The following MCTP1 variants were observed in gnomAD, a reference collection of about 807,000 sequenced individuals.
MCTP1 encodes multiple C2 and transmembrane domain containing 1.
In MCTP1, 69 loss-of-function variants were observed where a neutral mutation model predicts 120.6. That is an observed-to-expected ratio of 0.57 (90% CI 0.47 to 0.70). The LOEUF (loss-of-function observed/expected upper bound fraction) is 0.70. Among genes scored for constraint, MCTP1 ranks in the 30% least tolerant of loss-of-function variants. The pLI, the probability that MCTP1 is intolerant of heterozygous loss-of-function variation, is 0.00. For missense variants in MCTP1, 1,203 were observed against 1,248.8 expected, an observed-to-expected ratio of 0.96 and a Z score of 0.55; for synonymous variants, 529 against 493.1, an observed-to-expected ratio of 1.07 and a Z score of -0.96.
intron 21 of MCTP1, 37 bp from the exon 22 acceptor site, chr5:94,708,646 G>T: frequency 7.6e-7 from 1 of 1,314,460 alleles, no homozygotes; most frequent in South Asian, 1.2e-5. Flanking sequence ...GCACATTTCT[G>T]ACAAAAGTGT....
intron 1 of MCTP1, among the ~76,000 whole-genome samples, chr5:95,280,876 T>TTTTCTTTGC (rs2152745593): frequency 6.6e-6 from 1 of 152,334 alleles, no homozygotes; most frequent in Admixed American, 6.5e-5. Context: ...AACTGATTTT[T>TTTTCTTTGC]TTTTCTTTGC....
chr5:94,763,921 A>T (rs1771935677), intron 19 of MCTP1, among the ~76,000 whole-genome samples: 1 of 152,242 alleles, frequency 6.6e-6, no homozygotes, highest in Non-Finnish European at 1.5e-5. Flanking sequence ...GATATGAAAT[A>T]AGATGCTGTA....
intron 21 of MCTP1, chr5:94,710,140 C>G (rs1376414829): frequency 6.6e-6 from 1 of 151,898 alleles, no homozygotes; most frequent in Non-Finnish European, 1.5e-5. Flanking sequence ...AAATTGTTTT[C>G]CAAACCAAGA....
intron 1 of MCTP1, among the ~76,000 whole-genome samples, chr5:95,144,982 C>T (rs1304855593): frequency 6.6e-6 from 1 of 152,024 alleles, no homozygotes; most frequent in East Asian, 1.9e-4. Context: ...CTGTAAATTG[C>T]TTTGGGAAAT....
At chr5:95,153,292 A>ATGATTG (rs112772312) in intron 1 of MCTP1, among the ~76,000 whole-genome samples, 4 of 152,238 alleles carry the variant, frequency 2.6e-5, no homozygotes, top group African/African-American at 7.2e-5. Flanking sequence ...GCCCTCCTCC[A>ATGATTG]TGATTGTAAG....
intron 2 of MCTP1, among the ~76,000 whole-genome samples, chr5:95,004,556 G>A (rs969478703): frequency 6.6e-6 from 1 of 152,226 alleles, no homozygotes; most frequent in Non-Finnish European, 1.5e-5. Context: ...CTGCTTCTCT[G>A]TGCCACCTCA....
At chr5:95,113,932 C>T (rs1384011656) in intron 1 of MCTP1, among the ~76,000 whole-genome samples, 1 of 152,208 alleles carries the variant, frequency 6.6e-6, no homozygotes, top group African/African-American at 2.4e-5. Flanking sequence ...CTTTGTCTTT[C>T]ACCTGTATAC....
chr5:94,894,883 G>A, intron 10 of MCTP1, 48 bp from the exon 11 acceptor site: 2 of 563,490 alleles, frequency 3.5e-6, no homozygotes, highest in Non-Finnish European at 2.8e-6. Flanking sequence ...TTTTTTTTTT[G>A]CCATATCAAA....
At chr5:94,808,665 A>G (rs1016721645) in intron 17 of MCTP1, among the ~76,000 whole-genome samples, 2 of 152,146 alleles carry the variant, frequency 1.3e-5, no homozygotes, top group Non-Finnish European at 2.9e-5. Context: ...AAAAAAAATC[A>G]AAGTGCACTA....
chr5:94,862,589 C>T (rs1253458222), intron 17 of MCTP1, among the ~76,000 whole-genome samples: 2 of 151,796 alleles, frequency 1.3e-5, no homozygotes, highest in Non-Finnish European at 2.9e-5. Flanking sequence ...ATCTGGCTTG[C>T]TATATTTCCT....
At chr5:95,043,117 G>T (rs1004444039) in intron 1 of MCTP1, among the ~76,000 whole-genome samples, 1 of 152,108 alleles carries the variant, frequency 6.6e-6, no homozygotes, top group Non-Finnish European at 1.5e-5. Flanking sequence ...CGGACAGTGA[G>T]TGAGTTTCCC....
intron 17 of MCTP1, among the ~76,000 whole-genome samples, chr5:94,803,434 G>A (rs1781605253): frequency 6.6e-6 from 1 of 152,182 alleles, no homozygotes. Flanking sequence ...CAGGCCTAGA[G>A]GCATCCAAGC....
intron 3 of MCTP1, among the ~76,000 whole-genome samples, chr5:94,945,647 G>A (rs1818732109): frequency 6.6e-6 from 1 of 152,154 alleles, no homozygotes; most frequent in African/African-American, 2.4e-5. Flanking sequence ...GGGAGAGACA[G>A]ACAATAAAGA....
At chr5:95,212,479 T>C (rs12187767) in intron 1 of MCTP1, among the ~76,000 whole-genome samples, 14,244 of 151,670 alleles carry the variant, frequency 0.094, 931 homozygotes, top group Middle Eastern at 0.15. Flanking sequence ...TTCCAATCAA[T>C]AGAAAAAGAG....
chr5:95,168,042 G>C (rs1746669638), intron 1 of MCTP1, among the ~76,000 whole-genome samples: 2 of 152,156 alleles, frequency 1.3e-5, no homozygotes, highest in Non-Finnish European at 2.9e-5. Flanking sequence ...TAACATTTAA[G>C]TCTTTAATCC....
chr5:95,077,273 A>T lies in MCTP1; in HGVS notation c.721-59789T>A, dbSNP rs114904324. On this transcript the variant is annotated intron_variant, in intron 1 of 22. Transcript: ENST00000515393. ...CTTCTGCATCTTGGTTATTTTCTTC[A>T]TAATAAATTATAAAATAGTCAAAGT... Among the ~76,000 whole-genome samples the T allele has an allele frequency of 8.7e-3, 1,328 of 152,292 alleles. 13 individuals carry two copies. The highest frequency in any genetic ancestry group is 0.013 in the Non-Finnish European group (912 of 68,014).
At chr5:94,882,941 T>C (rs1257869203) in intron 12 of MCTP1, among the ~76,000 whole-genome samples, 1 of 152,214 alleles carries the variant, frequency 6.6e-6, no homozygotes, top group African/African-American at 2.4e-5. Flanking sequence ...GCCCTTGTGC[T>C]AAATTATCAT....
chr5:95,133,615 A>G (rs1264673695), intron 1 of MCTP1, among the ~76,000 whole-genome samples: 1 of 152,276 alleles, frequency 6.6e-6, no homozygotes, highest in Non-Finnish European at 1.5e-5. Context: ...AGATCGTGCC[A>G]TTGCACTCCA....
intron 12 of MCTP1, 72 bp downstream of exon 12, chr5:94,888,807 T>A: frequency 1.2e-6 from 1 of 850,566 alleles, no homozygotes; most frequent in Admixed American, 2.1e-5. Context: ...AAATGCAAAG[T>A]TGAATTATTA....
Sources: gnomAD v4.1 joint callset for allele counts (sites outside exome capture counted in the v4.1 genomes callset) on GRCh38, gnomAD v4.1.1 for gene constraint, MANE v1.5 for transcripts, NCBI Gene and HGNC (gene_info 2026-07-23, HGNC 2026-07-21) for gene names.